ACVR1: variants seen among roughly 807,000 people sequenced by gnomAD.
The protein encoded by ACVR1 is activin A receptor type 1.
Under a neutral mutation model 57.1 loss-of-function variants are expected in ACVR1, and 38 were observed. That is an observed-to-expected ratio of 0.67 (90% CI 0.51 to 0.87). The LOEUF is 0.87. Among genes scored for constraint, ACVR1 ranks in the 40% least tolerant of loss-of-function variants. The pLI, the probability that ACVR1 is intolerant of heterozygous loss-of-function variation, is 0.00. For synonymous variants in ACVR1, 212 were observed against 228.1 expected, an observed-to-expected ratio of 0.93 and a Z score of 0.63; for missense variants, 463 against 638.2, an observed-to-expected ratio of 0.73 and a Z score of 2.96.
At chr2:157,762,947 C>T (rs750653496) in intron 8 of ACVR1, among the ~76,000 whole-genome samples, 2 of 152,190 alleles carry the variant, frequency 1.3e-5, no homozygotes, top group Non-Finnish European at 2.9e-5. Context: ...GCCAGAACCA[C>T]ACCGCTAAGT....
chr2:157,835,446 T>C (rs1297615545), intron 1 of ACVR1, among the ~76,000 whole-genome samples: 2 of 152,234 alleles, frequency 1.3e-5, no homozygotes, highest in Non-Finnish European at 2.9e-5. Flanking sequence ...ATTAATATTA[T>C]TGATGCTCTT....
chr2:157,826,761 GA>G (rs1559080619), intron 1 of ACVR1: 1 of 102,736 alleles, frequency 9.7e-6, no homozygotes, highest in Non-Finnish European at 1.8e-5. Context: ...GAAAGGAAAG[GA>G]AAGGAAAGGA....
chr2:157,857,116 T>C (rs1346427220), intron 1 of ACVR1, among the ~76,000 whole-genome samples: 1 of 152,152 alleles, frequency 6.6e-6, no homozygotes, highest in African/African-American at 2.4e-5. Context: ...GAGGATCACC[T>C]GAGCCCAGGA....
At position 157,765,958 on chromosome 2, in the gene ACVR1, C is replaced by T. The variant is rs1219533593; in HGVS notation, c.1029G>A (p.Leu343=). 4 of 1,614,052 alleles carry T rather than the reference C, an allele frequency of 2.5e-6. No homozygotes were observed. The East Asian group carries it at 8.9e-5, about 36-fold the overall frequency. ...TGCAACACTGTCCATTCTTCTTAACCAGAATATTTTTGCTCTTTAAATCTC... is the reference window on the plus strand; with the variant it reads ...TGCAACACTGTCCATTCTTCTTAACTAGAATATTTTTGCTCTTTAAATCTC... The part of the protein sequence containing the change: ...AHRDLKSKNI[L]VKKNGQCCIA... Residue 343 remains leucine, a synonymous_variant, in exon 8 of 11, where the codon CTG becomes CTA. Coordinates refer to ENST00000434821, the MANE Select transcript of ACVR1 (RefSeq NM_001111067.4).
At position 157,780,444 on chromosome 2, in the gene ACVR1, T is replaced by C. The variant is rs1176995618; in HGVS notation, c.224A>G (p.Glu75Gly). 1 of 1,614,124 alleles carries C rather than the reference T, an allele frequency of 6.2e-7. No homozygotes were observed. Among genetic ancestry groups the C allele is most frequent in the East Asian group, 2.2e-5 (1 of 44,884 alleles). Reference protein sequence around the residue: ...VYQKGCFQVYEQGKMTCKTPP... With the variant: ...VYQKGCFQVYGQGKMTCKTPP... ...GGTCTTACAGGTCATCTTTCCCTGC[T>C]CATAAACCTGGAAGCAGCCTTTCTG... Residue 75 changes from glutamate (E) to glycine (G), a missense_variant, in exon 4 of 11, where the codon GAG becomes GGG. Physicochemically the swap from Glu to Gly is moderately conservative, Grantham distance 98. Around this residue, in one of 3 missense-constraint regions of ACVR1, gnomAD observed 203 missense variants for 235.5 expected, o/e 0.86. Transcript: ENST00000434821.
At chr2:157,768,082 C>T (rs1392777730) in intron 7 of ACVR1, among the ~76,000 whole-genome samples, 1 of 152,170 alleles carries the variant, frequency 6.6e-6, no homozygotes, top group Non-Finnish European at 1.5e-5. Context: ...AAAATAATTT[C>T]ACATTTTCAC....
At chr2:157,855,308 G>GTGTGTGTGTGTATATATA (rs1307480066) in intron 1 of ACVR1, among the ~76,000 whole-genome samples, 5 of 51,668 alleles carry the variant, frequency 9.7e-5, no homozygotes, top group Non-Finnish European at 1.5e-4. Flanking sequence ...GTGTGTGTGT[G>GTGTGTGTGTGTATATATA]TATATATATA....
Position 157,848,650 on chromosome 2 carries a change from T to C in ACVR1, c.-183+27146A>G, listed in dbSNP as rs76670271. 7.0e-3 allele frequency among the ~76,000 whole-genome samples: 1,069 copies of C among 152,298 alleles called. 16 individuals carry two copies. The highest frequency in any genetic ancestry group is 0.024 in the African/African-American group (992 of 41,558). On this transcript the variant is annotated intron_variant, in intron 1 of 10. Transcript: ENST00000434821. Reference sequence around the variant, plus strand: ...GGATAATTTATTATGCAGAAAGAGATTGACTGGACCAGCAGGCAGTCTAGT... The same window carrying C: ...GGATAATTTATTATGCAGAAAGAGACTGACTGGACCAGCAGGCAGTCTAGT...
At chr2:157,763,447 A>T (rs992883468) in intron 8 of ACVR1, among the ~76,000 whole-genome samples, 2 of 152,238 alleles carry the variant, frequency 1.3e-5, no homozygotes, top group Admixed American at 6.5e-5. Flanking sequence ...GACGAGGCAC[A>T]GTGGCTCACA....
chr2:157,807,284 A>T (rs1687582112), intron 2 of ACVR1, among the ~76,000 whole-genome samples: 2 of 152,212 alleles, frequency 1.3e-5, no homozygotes, highest in Admixed American at 1.3e-4. Flanking sequence ...CCCCTTCCAG[A>T]TATACACAGA....
chr2:157,828,443 C>A (rs1574119402), intron 1 of ACVR1, among the ~76,000 whole-genome samples: 1 of 103,608 alleles, frequency 9.7e-6, no homozygotes, highest in African/African-American at 3.2e-5. Flanking sequence ...GAGCAAGACT[C>A]CGTCTCAAAA....
chr2:157,766,299 A>G (rs1456020278), intron 7 of ACVR1, 103 bp from the exon 8 acceptor site: 4 of 1,234,244 alleles, frequency 3.2e-6, no homozygotes, highest in Non-Finnish European at 1.2e-6. Flanking sequence ...CTGTAACAAA[A>G]AGTAATTAAA....
intron 1 of ACVR1, among the ~76,000 whole-genome samples, chr2:157,851,124 A>C (rs1317731661): frequency 6.6e-6 from 1 of 152,182 alleles, no homozygotes; most frequent in Non-Finnish European, 1.5e-5. Context: ...AATGGAATCC[A>C]ATGCAAACTG....
At chr2:157,775,795 C>T (rs1268118706) in intron 5 of ACVR1, among the ~76,000 whole-genome samples, 1 of 152,100 alleles carries the variant, frequency 6.6e-6, no homozygotes, top group Non-Finnish European at 1.5e-5. Context: ...GCTTCTAAAC[C>T]CTGTTCACAG....
intron 1 of ACVR1, among the ~76,000 whole-genome samples, chr2:157,828,088 C>T (rs7605072): frequency 0.016 from 2,369 of 152,086 alleles, 72 homozygotes; most frequent in African/African-American, 0.054. Flanking sequence ...TTTGAGAAGC[C>T]GAGGTAGGCG....
chr2:157,872,873 C>G (rs1279172448), intron 1 of ACVR1, among the ~76,000 whole-genome samples: 1 of 152,096 alleles, frequency 6.6e-6, no homozygotes, highest in Non-Finnish European at 1.5e-5. Flanking sequence ...AGAACATCAC[C>G]AACACTGTAT....
chr2:157,739,295 T>C (rs1012223336), intron 9 of ACVR1, among the ~76,000 whole-genome samples: 1 of 152,214 alleles, frequency 6.6e-6, no homozygotes, highest in Non-Finnish European at 1.5e-5. Context: ...AAAAGAAGGA[T>C]AAATAATGAA....
At chr2:157,743,165 C>T (rs1216816835) in intron 9 of ACVR1, among the ~76,000 whole-genome samples, 1 of 152,106 alleles carries the variant, frequency 6.6e-6, no homozygotes, top group African/African-American at 2.4e-5. Flanking sequence ...AGTTTTATTT[C>T]TCATTCCCAC....
chr2:157,851,912 A>ACCCCCCCCC (rs1559094092), intron 1 of ACVR1, among the ~76,000 whole-genome samples: 2 of 16,196 alleles, frequency 1.2e-4, no homozygotes, highest in African/African-American at 4.0e-4. Flanking sequence ...CACACACACC[A>ACCCCCCCCC]CCCCCACCCC....
Sources: gnomAD v4.1 joint callset for allele counts (sites outside exome capture counted in the v4.1 genomes callset) on GRCh38, gnomAD v4.1.1 for gene constraint, gnomAD v4.1.1 regional missense constraint, MANE v1.5 for transcripts, NCBI Gene and HGNC (gene_info 2026-07-23, HGNC 2026-07-21) for gene names.